Variants in AAMDC observed in about 807,000 individuals in gnomAD.
AAMDC encodes the protein adipogenesis associated Mth938 domain containing.
In AAMDC, 16 loss-of-function variants were observed where a neutral mutation model predicts 15.5. The ratio of observed to expected loss-of-function variants is 1.03; its 90% CI spans 0.70 to 1.57. AAMDC has a LOEUF of 1.57. Among genes scored for constraint, AAMDC ranks in the 40% most tolerant of loss-of-function variants. The pLI, the probability that AAMDC is intolerant of heterozygous loss-of-function variation, is 0.00. For synonymous variants in AAMDC, 51 were observed against 51.6 expected (o/e 0.99, Z 0.05); for missense variants, 141 against 144.9 (o/e 0.97, Z 0.14).
At chr11:77,847,359 C>T (rs1950187673) in intron 2 of AAMDC, among the ~76,000 whole-genome samples, 1 of 152,208 alleles carries the variant, frequency 6.6e-6, no homozygotes, top group Non-Finnish European at 1.5e-5. Flanking sequence ...TATAGTCTAT[C>T]ACATTGTTCT....
At chr11:77,851,812 C>T (rs1446404265) in intron 2 of AAMDC, among the ~76,000 whole-genome samples, 1 of 152,136 alleles carries the variant, frequency 6.6e-6, no homozygotes, top group Non-Finnish European at 1.5e-5. Context: ...GCCTGCAGAA[C>T]TGTGAAGCAA....
intron 5 of AAMDC, among the ~76,000 whole-genome samples, chr11:77,887,473 T>C (rs890963059): frequency 6.6e-6 from 1 of 152,118 alleles, no homozygotes; most frequent in African/African-American, 2.4e-5. Flanking sequence ...TCATACTGAA[T>C]GGGCAAAAAC....
intron 5 of AAMDC, chr11:77,879,150 C>A: frequency 6.2e-7 from 1 of 1,611,988 alleles, no homozygotes. Flanking sequence ...TAAAAGAAAT[C>A]CTCTATAACT....
intron 2 of AAMDC, among the ~76,000 whole-genome samples, chr11:77,853,222 T>A (rs938097491): frequency 2.0e-5 from 3 of 152,224 alleles, no homozygotes; most frequent in Non-Finnish European, 4.4e-5. Context: ...GTGAACAGTA[T>A]TTGTATTAGT....
At chr11:77,849,376 C>T (rs1299432343) in intron 2 of AAMDC, among the ~76,000 whole-genome samples, 1 of 152,078 alleles carries the variant, frequency 6.6e-6, no homozygotes, top group Admixed American at 6.5e-5. Context: ...TGTGTGTGAC[C>T]ACGCCCGGCT....
intron 5 of AAMDC, among the ~76,000 whole-genome samples, chr11:77,897,274 C>G (rs1952566251): frequency 6.6e-6 from 1 of 151,562 alleles, no homozygotes; most frequent in Non-Finnish European, 1.5e-5. Flanking sequence ...TGGAAGGACA[C>G]TTTGAGTTCA....
intron 2 of AAMDC, among the ~76,000 whole-genome samples, chr11:77,849,211 TTTTTTA>T (rs1207896149): frequency 1.3e-5 from 2 of 151,800 alleles, no homozygotes; most frequent in African/African-American, 4.8e-5. Context: ...TAATTTTTTA[TTTTTTA>T]TTTTTATTTT....
chr11:77,883,947 T>C, intron 5 of AAMDC: 2 of 1,612,924 alleles, frequency 1.2e-6, no homozygotes, highest in Non-Finnish European at 1.7e-6. Context: ...CATCTGGATA[T>C]AAGACCTAAA....
downstream of AAMDC, chr11:77,901,411 C>A (rs1261756125): frequency 6.2e-7 from 1 of 1,613,748 alleles, no homozygotes; most frequent in African/African-American, 1.3e-5. Flanking sequence ...TGGCCAACCC[C>A]ACATCTTACC....
intron 2 of AAMDC, among the ~76,000 whole-genome samples, chr11:77,863,478 G>A (rs905064185): frequency 2.6e-5 from 4 of 152,164 alleles, no homozygotes; most frequent in African/African-American, 9.6e-5. Flanking sequence ...AAAGAAGGTA[G>A]CCTGCGTTTA....
rs549325995 is a variant in AAMDC, at chr11:77,884,735, C to G, written c.328+7686C>G. ...TCTCTCCTCAGGTCATGGGGCCTCC[C>G]CCTGATTCTACACTTCTTTCTTTCT... On this transcript the variant is annotated intron_variant, in intron 5 of 5. Coordinates refer to the AAMDC transcript ENST00000304716. 6.3e-4 allele frequency: 222 copies of G among 351,296 alleles called. 1 individual carries two copies. The highest frequency in any genetic ancestry group is 4.4e-3 in the African/African-American group (210 of 47,626). 21.8% of individuals were successfully genotyped at this position (351,296 alleles called of 1,614,324 possible).
chr11:77,877,659 T>C (rs1253947117), intron 5 of AAMDC, among the ~76,000 whole-genome samples: 2 of 152,234 alleles, frequency 1.3e-5, no homozygotes, highest in African/African-American at 4.8e-5. Context: ...ATTTGGCTAT[T>C]GTGAAGATTA....
At chr11:77,844,722 C>G (rs1355322923) in intron 2 of AAMDC, among the ~76,000 whole-genome samples, 2 of 152,008 alleles carry the variant, frequency 1.3e-5, no homozygotes, top group Non-Finnish European at 2.9e-5. Flanking sequence ...TTTCCAGAGG[C>G]TTTAGGGATT....
intron 2 of AAMDC, among the ~76,000 whole-genome samples, chr11:77,855,949 C>A (rs1267196608): frequency 6.6e-6 from 1 of 151,990 alleles, no homozygotes; most frequent in Non-Finnish European, 1.5e-5. Context: ...AAAACCCTGG[C>A]TCTAGCAAAA....
chr11:77,837,157 A>C (rs907119646), intron 1 of AAMDC, among the ~76,000 whole-genome samples: 1 of 151,890 alleles, frequency 6.6e-6, no homozygotes, highest in Non-Finnish European at 1.5e-5. Flanking sequence ...GTTTTTTGAG[A>C]CGTAGTCTCG....
chr11:77,905,768 A>C (rs2136452249), intron 3 of AAMDC, among the ~76,000 whole-genome samples: 1 of 152,332 alleles, frequency 6.6e-6, no homozygotes, highest in African/African-American at 2.4e-5. Flanking sequence ...TCAGATGACC[A>C]CAGTTAAAAA....
chr11:77,904,079 A>G (rs1314567003), downstream of AAMDC, among the ~76,000 whole-genome samples: 1 of 152,184 alleles, frequency 6.6e-6, no homozygotes, highest in African/African-American at 2.4e-5. Context: ...ACTAGAAATC[A>G]AGCAGCTTTC....
intron 3 of AAMDC, 108 bp from the exon 4 acceptor site, chr11:77,872,067 T>C: frequency 1.6e-6 from 2 of 1,261,646 alleles, no homozygotes; most frequent in Non-Finnish European, 2.1e-6. Flanking sequence ...GATCGTGAAG[T>C]GACGATTGTC....
chr11:77,902,022 A>G (rs1005192383), downstream of AAMDC, among the ~76,000 whole-genome samples: 1 of 152,236 alleles, frequency 6.6e-6, no homozygotes, highest in Non-Finnish European at 1.5e-5. Flanking sequence ...AATAAGTGCA[A>G]GAAAACATTT....
Sources: allele counts gnomAD v4.1 joint callset (sites outside exome capture counted in the v4.1 genomes callset), GRCh38; gene constraint gnomAD v4.1.1; transcripts MANE v1.5; gene names NCBI Gene and HGNC (gene_info 2026-07-23, HGNC 2026-07-21).